The following OTOF variants were observed in gnomAD, a reference collection of about 807,000 sequenced individuals.
OTOF encodes the protein fer-1-like family member 2.
A neutral mutation model predicts 236.8 loss-of-function variants in OTOF; 218 were observed. The ratio of observed to expected loss-of-function variants is 0.92; its 90% confidence interval spans 0.82 to 1.03. OTOF has a LOEUF of 1.03. Among genes scored for constraint, OTOF ranks in the 50% least tolerant of loss-of-function variants. The pLI is 0.00. For synonymous variants in OTOF, 1,041 were observed against 1,072.5 expected (o/e 0.97, Z 0.57); for missense variants, 2,590 against 2,694.4 (o/e 0.96, Z 0.86).
intron 8 of OTOF, among the ~76,000 whole-genome samples, chr2:26,496,027 C>T (rs1007144144): frequency 3.9e-5 from 6 of 152,178 alleles, no homozygotes; most frequent in Non-Finnish European, 8.8e-5. Flanking sequence ...CTGCCTGAGC[C>T]GCCTTTTTCA....
At chr2:26,514,929 G>A (rs1004163683) in intron 5 of OTOF, among the ~76,000 whole-genome samples, 9 of 152,200 alleles carry the variant, frequency 5.9e-5, no homozygotes, top group African/African-American at 2.2e-4. Context: ...ACCAGGTGGT[G>A]CCCACTGAGT....
intron 9 of OTOF, 74 bp from the exon 10 acceptor site, chr2:26,489,814 C>T (rs1665796513): frequency 6.9e-6 from 8 of 1,159,966 alleles, no homozygotes; most frequent in Non-Finnish European, 1.0e-5. Flanking sequence ...GGGCCCCTCC[C>T]TCCTCGCAGG....
At chr2:26,526,362 G>C (rs1049212965) in intron 3 of OTOF, among the ~76,000 whole-genome samples, 1 of 151,880 alleles carries the variant, frequency 6.6e-6, no homozygotes, top group Non-Finnish European at 1.5e-5. Flanking sequence ...TTGATAAATG[G>C]ATGGAGGGAT....
chr2:26,555,558 G>T (rs1667565834), intron 1 of OTOF, among the ~76,000 whole-genome samples: 1 of 152,176 alleles, frequency 6.6e-6, no homozygotes, highest in Non-Finnish European at 1.5e-5. Context: ...TGAGGGCAGT[G>T]GGAAAAGAGG....
At chr2:26,551,631 C>T (rs1055046815) in intron 1 of OTOF, among the ~76,000 whole-genome samples, 7 of 152,240 alleles carry the variant, frequency 4.6e-5, no homozygotes, top group African/African-American at 1.7e-4. Flanking sequence ...CCACATCTGT[C>T]TCATTCCCCA....
chr2:26,491,991 A>G (rs1665860718), intron 9 of OTOF, among the ~76,000 whole-genome samples: 1 of 152,218 alleles, frequency 6.6e-6, no homozygotes, highest in South Asian at 2.1e-4. Context: ...TAATGGAGCC[A>G]AAGGAAGGTT....
In OTOF at chr2:26,509,630, A is replaced by G. The variant is rs1666334757; in HGVS notation, c.510-5785T>C. Among the ~76,000 whole-genome samples, 3 of 152,174 alleles carry G rather than the reference A, an allele frequency of 2.0e-5. No homozygotes were observed. The South Asian group carries it at 6.2e-4, about 31-fold the overall frequency. On this transcript the variant is annotated intron_variant, in intron 5 of 46. Transcript: ENST00000272371. Reference sequence around the variant, plus strand: ...TCAGACCCCTCAACACACAATCCTGATATTTCCATGATATCTTCAGATGAA... The same window carrying G: ...TCAGACCCCTCAACACACAATCCTGGTATTTCCATGATATCTTCAGATGAA...
chr2:26,496,368 G>A (rs1183493466), intron 8 of OTOF, among the ~76,000 whole-genome samples: 2 of 151,664 alleles, frequency 1.3e-5, no homozygotes, highest in Non-Finnish European at 2.9e-5. Flanking sequence ...CCAAGTAGCT[G>A]GGATTACAAG....
intron 25 of OTOF, 56 bp downstream of exon 25, chr2:26,475,303 G>T: frequency 6.2e-7 from 1 of 1,601,966 alleles, no homozygotes; most frequent in Non-Finnish European, 8.5e-7. Flanking sequence ...GGAGTGCAGG[G>T]AACAAGGGCC....
chr2:26,537,393 G>A (rs1053011386), intron 2 of OTOF, among the ~76,000 whole-genome samples: 5 of 152,198 alleles, frequency 3.3e-5, no homozygotes, highest in African/African-American at 1.2e-4. Flanking sequence ...TCACATTCAG[G>A]TCTACAGCAC....
In OTOF at chr2:26,473,033, A is replaced by C; in HGVS notation, c.3733+99T>G. On this transcript the variant is annotated intron_variant, in intron 29 of 46. Transcript: ENST00000272371. This position sits in a 1 kb window ranked among gnomAD's most constrained non-coding sequence, Gnocchi z 7.2. ...TCTATGCCCACCCCCTCGGCCCCAA[A>C]GAGCAAACTCTGGTCGCGGCTTGGA... 1 of 1,343,222 alleles carries C rather than the reference A, an allele frequency of 7.4e-7. No homozygotes were observed. 83.2% of individuals were successfully genotyped at this position (1,343,222 alleles called of 1,614,324 possible).
At chr2:26,549,185 T>C (rs987727422) in intron 1 of OTOF, among the ~76,000 whole-genome samples, 6 of 152,242 alleles carry the variant, frequency 3.9e-5, no homozygotes, top group Non-Finnish European at 2.9e-5. Flanking sequence ...TTTGGAACTT[T>C]CAAAGATAAT....
At chr2:26,496,664 A>C (rs925954048) in intron 8 of OTOF, among the ~76,000 whole-genome samples, 2 of 152,082 alleles carry the variant, frequency 1.3e-5, no homozygotes, top group African/African-American at 4.8e-5. Context: ...TTAAGCCATC[A>C]GGTCTCATTT....
At chr2:26,500,864 A>T (rs1666100004) in intron 8 of OTOF, among the ~76,000 whole-genome samples, 3 of 152,156 alleles carry the variant, frequency 2.0e-5, no homozygotes, top group Non-Finnish European at 2.9e-5. Flanking sequence ...CATCAGAGAT[A>T]AAGCTCTACC....
chr2:26,492,827 C>T (rs1665882036), intron 9 of OTOF, among the ~76,000 whole-genome samples: 1 of 152,182 alleles, frequency 6.6e-6, no homozygotes, highest in Non-Finnish European at 1.5e-5. Context: ...GGCAAGGCTG[C>T]TCAGTAGCAA....
intron 32 of OTOF, among the ~76,000 whole-genome samples, chr2:26,469,342 G>A (rs1277231650): frequency 6.6e-6 from 1 of 152,218 alleles, no homozygotes; most frequent in Non-Finnish European, 1.5e-5. Context: ...GCAGCCTCTT[G>A]CAGCTCCAGC....
intron 13 of OTOF, among the ~76,000 whole-genome samples, chr2:26,483,057 G>A (rs1296168117): frequency 6.6e-6 from 1 of 151,196 alleles, no homozygotes; most frequent in Non-Finnish European, 1.5e-5. Flanking sequence ...GTGCATGTGT[G>A]AGTGGGTGTG....
chr2:26,553,438 C>T (rs1385710321), intron 1 of OTOF, among the ~76,000 whole-genome samples: 1 of 152,172 alleles, frequency 6.6e-6, no homozygotes, highest in Non-Finnish European at 1.5e-5. Context: ...CTCCTTTTCC[C>T]TCGTCTCTGT....
chr2:26,520,017 T>C (rs1666638557), intron 3 of OTOF, among the ~76,000 whole-genome samples: 1 of 152,248 alleles, frequency 6.6e-6, no homozygotes, highest in Admixed American at 6.5e-5. Context: ...GCTGAATTAA[T>C]GAACAACAGT....
Sources: allele counts gnomAD v4.1 joint callset (sites outside exome capture counted in the v4.1 genomes callset), GRCh38; gene constraint gnomAD v4.1.1; non-coding constraint Gnocchi (gnomAD v3.1); transcripts MANE v1.5; gene names NCBI Gene and HGNC (gene_info 2026-07-23, HGNC 2026-07-21).